Variants in ECT2 observed in about 807,000 individuals in gnomAD.
ECT2 encodes epithelial cell transforming 2.
A neutral mutation model predicts 116.9 loss-of-function variants in ECT2; 61 were observed. The ratio of observed to expected loss-of-function variants is 0.52; its 90% CI spans 0.42 to 0.65. The LOEUF is 0.65. Among genes scored for constraint, ECT2 ranks in the 30% least tolerant of loss-of-function variants. The pLI is 0.00. For synonymous variants in ECT2, 358 were observed against 346.4 expected, an observed-to-expected ratio of 1.03 and a Z score of -0.37; for missense variants, 937 against 1,078.7, an observed-to-expected ratio of 0.87 and a Z score of 1.84.
Position 172,764,381 on chromosome 3 carries a change from C to T in ECT2, c.1172C>T (p.Ser391Leu). Residue 391 changes from serine to leucine, a missense_variant, in exon 12 of 25, where the codon TCA (serine) becomes TTA (leucine). Ser to Leu is a moderately radical substitution (Grantham distance 145, BLOSUM62 -2). Transcript: ENST00000392692. ...TTAAAAGAAACACTTGCTCAGCTTT[C>T]AAGAGAGACAGACGTGTCACCATTT... ...RRLKETLAQLSRETDVSPFPP... is the reference protein window; with the variant it reads ...RRLKETLAQLLRETDVSPFPP... 1.9e-6 allele frequency: 3 copies of T among 1,614,158 alleles called. No homozygotes were observed. The highest frequency in any genetic ancestry group is 1.1e-5 in the South Asian group (1 of 91,088).
intron 22 of ECT2, 122 bp downstream of exon 22, chr3:172,808,046 T>TA (rs1263273431): frequency 3.1e-5 from 29 of 931,208 alleles, no homozygotes; most frequent in Non-Finnish European, 4.2e-5. Flanking sequence ...TTGTGTATAT[T>TA]AAAAAAACTG....
At chr3:172,821,941 G>T (rs1730716107), downstream of ECT2, among the ~76,000 whole-genome samples, 1 of 151,756 alleles carries the variant, frequency 6.6e-6, no homozygotes, top group African/African-American at 2.4e-5. Flanking sequence ...TCTGCCTTAG[G>T]TTTTTAGACT....
chr3:172,785,551 A>G (rs1723464535), intron 17 of ECT2, among the ~76,000 whole-genome samples: 1 of 151,996 alleles, frequency 6.6e-6, no homozygotes, highest in South Asian at 2.1e-4. Context: ...TAAATTATAA[A>G]CAGGAAAAAG....
At chr3:172,755,607 G>A in intron 4 of ECT2, 32 bp downstream of exon 4, 1 of 1,123,726 alleles carries the variant, frequency 8.9e-7, no homozygotes, top group Non-Finnish European at 1.2e-6. Flanking sequence ...CATGTGGCAT[G>A]CTGCACTTCC....
At chr3:172,803,972 T>G (rs1362439839) in intron 20 of ECT2, among the ~76,000 whole-genome samples, 2 of 152,008 alleles carry the variant, frequency 1.3e-5, no homozygotes, top group Non-Finnish European at 2.9e-5. Flanking sequence ...ACCAGTCTAA[T>G]TATTTTTAGT....
intron 16 of ECT2, among the ~76,000 whole-genome samples, chr3:172,784,291 T>G (rs1363752719): frequency 2.0e-5 from 3 of 152,134 alleles, no homozygotes; most frequent in East Asian, 1.9e-4. Flanking sequence ...TACAAAAAGT[T>G]TTTTTTAAAG....
chr3:172,807,646 G>A, intron 21 of ECT2, 124 bp from the exon 22 acceptor site: 1 of 1,112,812 alleles, frequency 9.0e-7, no homozygotes, highest in Non-Finnish European at 1.3e-6. Flanking sequence ...AATAGGACAA[G>A]GAAAGTGGAG....
At chr3:172,779,253 C>G (rs1722281303) in intron 14 of ECT2, among the ~76,000 whole-genome samples, 1 of 152,136 alleles carries the variant, frequency 6.6e-6, no homozygotes, top group Non-Finnish European at 1.5e-5. Flanking sequence ...CATTATATTG[C>G]CCCAAGATTA....
Position 172,782,167 on chromosome 3 carries a change from ATCT to A in ECT2, c.1555_1557del (p.Leu519del). The A allele has an allele frequency of 6.4e-7, 1 of 1,563,540 alleles. No individual in the cohort carries two copies. Among genetic ancestry groups the A allele is most frequent in the Non-Finnish European group, 8.7e-7 (1 of 1,150,218 alleles). On this transcript the variant is annotated inframe_deletion, in exon 15 of 25. Transcript: ENST00000392692. ...TTTCAATTCGTGCTATTTCAGGATG[ATCT>A]TGAAGACCTTATAGTTAATTGGGAT...
chr3:172,808,883 T>A (rs1199313435), intron 22 of ECT2, among the ~76,000 whole-genome samples: 1 of 152,170 alleles, frequency 6.6e-6, no homozygotes, highest in Non-Finnish European at 1.5e-5. Context: ...AGAACAATAA[T>A]CAGACTTTTT....
At chr3:172,821,968 G>A (rs1730717927), downstream of ECT2, among the ~76,000 whole-genome samples, 1 of 151,830 alleles carries the variant, frequency 6.6e-6, no homozygotes, top group Non-Finnish European at 1.5e-5. Context: ...GTTATCAGAT[G>A]AAGACAGTTT....
chr3:172,775,946 C>G (rs1370526009), intron 14 of ECT2, among the ~76,000 whole-genome samples: 1 of 152,080 alleles, frequency 6.6e-6, no homozygotes, highest in Non-Finnish European at 1.5e-5. Context: ...AGGTTTTTAT[C>G]TTGGTGTTTT....
chr3:172,783,929 A>G lies in ECT2; in HGVS notation c.1728+20A>G. ...CTCAAGGTAATGTGTGTTTCTTTCA[A>G]ATAAAAATTTGAGAATTATTTCTGA... On this transcript the variant is annotated intron_variant, in intron 16 of 24. Transcript: ENST00000392692. 6.8e-7 allele frequency: 1 copy of G among 1,475,244 alleles called. No homozygotes were observed. Among genetic ancestry groups the G allele is most frequent in the Non-Finnish European group, 9.2e-7 (1 of 1,082,284 alleles). 91.4% of individuals were successfully genotyped at this position (1,475,244 alleles called of 1,614,324 possible).
chr3:172,813,702 A>G (rs1729171013), intron 22 of ECT2, among the ~76,000 whole-genome samples: 2 of 151,954 alleles, frequency 1.3e-5, no homozygotes, highest in African/African-American at 4.8e-5. Context: ...TCATCTTCCT[A>G]AACTGGAACT....
At chr3:172,796,209 C>G (rs910213537) in intron 18 of ECT2, among the ~76,000 whole-genome samples, 1 of 152,036 alleles carries the variant, frequency 6.6e-6, no homozygotes, top group Non-Finnish European at 1.5e-5. Context: ...AAGATCTAAA[C>G]AAGTCAAAGA....
intron 2 of ECT2, 88 bp downstream of exon 2, chr3:172,754,748 A>G: frequency 2.0e-6 from 2 of 995,374 alleles, no homozygotes; most frequent in Admixed American, 2.8e-5. Context: ...TTTTAATACC[A>G]ACTGTAATGC....
chr3:172,768,912 G>T (rs1457172154), intron 12 of ECT2, 95 bp from the exon 13 acceptor site: 4 of 1,352,760 alleles, frequency 3.0e-6, no homozygotes, highest in Non-Finnish European at 4.0e-6. Context: ...ATTTATAAGA[G>T]TAGGTTTTCT....
In ECT2 at chr3:172,768,996, T is replaced by C; in HGVS notation, c.1292-11T>C. 2.3e-5 allele frequency: 37 copies of C among 1,585,224 alleles called. No individual in the cohort carries two copies. The highest frequency in any genetic ancestry group is 3.1e-5 in the Non-Finnish European group (36 of 1,166,126). On this transcript the variant is annotated splice_polypyrimidine_tract_variant and intron_variant, in intron 12 of 24. Transcript: ENST00000392692. ...GCTTCCATTAAATCTTTCCACCTTT[T>C]AACGTTTCAGACACCCCAAAGTCTT...
chr3:172,818,773 AT>A (rs1220696791), intron 24 of ECT2: 1 of 1,277,774 alleles, frequency 7.8e-7, no homozygotes, highest in Non-Finnish European at 1.0e-6. Flanking sequence ...GAATTAGGAG[AT>A]TTGCCAACCA....
Sources: gnomAD v4.1 joint callset for allele counts (sites outside exome capture counted in the v4.1 genomes callset) on GRCh38, gnomAD v4.1.1 for gene constraint, MANE v1.5 for transcripts, NCBI Gene and HGNC (gene_info 2026-07-23, HGNC 2026-07-21) for gene names.